Variants in P2RX5 observed in about 807,000 individuals in gnomAD.
The protein encoded by P2RX5 is purinergic receptor P2X 5.
P2RX5 carries 46 observed loss-of-function variants against 54.1 expected under a neutral mutation model. The observed-to-expected ratio is 0.85, with a 90% CI of 0.67 to 1.09. The LOEUF is 1.09. Ranked by LOEUF, P2RX5 falls within the 50% of genes least tolerant of loss-of-function variation. P2RX5 has a pLI of 0.00. For synonymous variants in P2RX5, 226 were observed against 226.4 expected (o/e 1.00, Z 0.02); for missense variants, 566 against 549.8 (o/e 1.03, Z -0.29).
chr17:3,691,494 A>G (rs1381950766), intron 2 of P2RX5, 150 bp downstream of exon 2: 1 of 894,364 alleles, frequency 1.1e-6, no homozygotes, highest in Non-Finnish European at 1.8e-6. Context: ...GGATCTGGAC[A>G]GGGTTGCTCT....
intron 11 of P2RX5, among the ~76,000 whole-genome samples, chr17:3,678,621 C>G (rs2050157335): frequency 6.6e-6 from 1 of 152,252 alleles, no homozygotes; most frequent in South Asian, 2.1e-4. Context: ...CCAGCCCAGT[C>G]TATTTCTTGC....
the P2RX5 span, among the ~76,000 whole-genome samples, chr17:3,709,259 A>G: frequency 2.0e-5 from 3 of 152,200 alleles, no homozygotes; most frequent in African/African-American, 7.2e-5. Flanking sequence ...ACGTTAAACC[A>G]GGTCATCTCA....
At chr17:3,678,055 G>A (rs1382720523) in intron 11 of P2RX5, 1 of 985,304 alleles carries the variant, frequency 1.0e-6, no homozygotes, top group African/African-American at 1.7e-5. Flanking sequence ...CAGCGACACT[G>A]CTGGTAGCCA....
chr17:3,714,884 T>G, the P2RX5 span: 1 of 1,611,438 alleles, frequency 6.2e-7, no homozygotes, highest in African/African-American at 1.3e-5. Flanking sequence ...TGATTTCAGC[T>G]GGGCCTTCCT....
chr17:3,704,126 A>C, the P2RX5 span, among the ~76,000 whole-genome samples: 3 of 151,232 alleles, frequency 2.0e-5, no homozygotes, highest in East Asian at 3.8e-4. Context: ...AACAAAACCC[A>C]AAAAACCACA....
At chr17:3,700,605 T>C (rs545099762), upstream of P2RX5, among the ~76,000 whole-genome samples, 14 of 151,406 alleles carry the variant, frequency 9.2e-5, no homozygotes, top group African/African-American at 3.4e-4. Flanking sequence ...GAGAGAAAAA[T>C]GCCTGCTGCT....
chr17:3,679,917 C>A, intron 10 of P2RX5, 133 bp from the exon 11 acceptor site: 1 of 774,298 alleles, frequency 1.3e-6, no homozygotes, highest in South Asian at 1.5e-5. Flanking sequence ...GTGTCCTCCA[C>A]CCTGCTTCCT....
In P2RX5 at chr17:3,678,040, G is replaced by A. The variant is rs1052629473; in HGVS notation, c.1259+1550C>T. The A allele has an allele frequency of 1.8e-5, 18 of 985,328 alleles. No homozygotes were observed. In the African/African-American group the frequency reaches 3.1e-4, roughly 17 times the overall value. 61.0% of individuals were successfully genotyped at this position (985,328 alleles called of 1,614,324 possible). A position where few individuals can be genotyped will look rare whatever the true frequency, so the allele number is the denominator to read the frequency against. On this transcript the variant is annotated intron_variant, in intron 11 of 11. Transcript: ENST00000225328. ...AGCTGCGGGTTGTTCTGGCCCCAAA[G>A]TTTTCAGCGACACTGCTGGTAGCCA...
At chr17:3,701,853 T>C in the P2RX5 span, among the ~76,000 whole-genome samples, 2 of 148,474 alleles carry the variant, frequency 1.3e-5, no homozygotes, top group East Asian at 4.2e-4. Context: ...CCTCCCCGGC[T>C]CAAGTGATTC....
the P2RX5 span, among the ~76,000 whole-genome samples, chr17:3,720,951 C>T: frequency 2.6e-5 from 4 of 152,110 alleles, no homozygotes; most frequent in Non-Finnish European, 5.9e-5. Flanking sequence ...ATTTTTGAGA[C>T]AGGATCTCGC....
At chr17:3,719,122 G>C in the P2RX5 span, among the ~76,000 whole-genome samples, 1 of 151,264 alleles carries the variant, frequency 6.6e-6, no homozygotes. Flanking sequence ...TGTAATCCCA[G>C]CTACTCGGGA....
chr17:3,697,107 A>C (rs917976145), upstream of P2RX5, among the ~76,000 whole-genome samples: 2 of 138,472 alleles, frequency 1.4e-5, no homozygotes, highest in East Asian at 5.1e-4. Flanking sequence ...GGCAGCATGA[A>C]GACCTCCCTC....
Position 3,673,853 on chromosome 17 carries a change from G to GT in P2RX5, c.*14dup. On this transcript the variant is annotated 3_prime_UTR_variant, in exon 12 of 12. Transcript: ENST00000225328. ...GCTGGGTTTAGGACAGGGCCTGAAC[G>GT]TAAGCAGAGGCAATTCACGTGCTCC... is the stretch of plus-strand genomic sequence containing the variant. 1 of 1,613,020 alleles carries GT rather than the reference G, an allele frequency of 6.2e-7. No homozygotes were observed. The highest frequency in any genetic ancestry group is 2.2e-5 in the East Asian group (1 of 44,882).
intron 1 of P2RX5, among the ~76,000 whole-genome samples, chr17:3,695,180 C>G (rs892085038): frequency 6.6e-6 from 1 of 152,230 alleles, no homozygotes; most frequent in African/African-American, 2.4e-5. Context: ...CCGACCCACC[C>G]CGGGGTCAGG....
At chr17:3,722,479 TAAA>T in the P2RX5 span, 10 of 106,864 alleles carry the variant, frequency 9.4e-5, no homozygotes, top group East Asian at 2.8e-4. Flanking sequence ...AGACTCCATC[TAAA>T]AAAAAAAAAA....
upstream of P2RX5, chr17:3,696,301 G>T: frequency 4.4e-6 from 1 of 227,844 alleles, no homozygotes; most frequent in South Asian, 1.5e-4. Context: ...CTGACACAGT[G>T]ACACCCCTGC....
chr17:3,718,252 C>T, the P2RX5 span: 3 of 152,242 alleles, frequency 2.0e-5, no homozygotes, highest in African/African-American at 7.2e-5. Flanking sequence ...AGGATGTCTC[C>T]TGGGAGCTTT....
At chr17:3,722,120 A>C in the P2RX5 span, among the ~76,000 whole-genome samples, 2 of 151,806 alleles carry the variant, frequency 1.3e-5, no homozygotes, top group Non-Finnish European at 2.9e-5. Context: ...CGGAGGTTGC[A>C]GTGAGCCGAG....
At chr17:3,675,965 T>C (rs2050093678) in intron 11 of P2RX5, 2 of 985,254 alleles carry the variant, frequency 2.0e-6, no homozygotes, top group Admixed American at 6.2e-5. Context: ...CTGGAGACCA[T>C]GTCCCTGGGC....
Sources: gnomAD v4.1 joint callset for allele counts (sites outside exome capture counted in the v4.1 genomes callset) on GRCh38, gnomAD v4.1.1 for gene constraint, MANE v1.5 for transcripts, NCBI Gene and HGNC (gene_info 2026-07-23, HGNC 2026-07-21) for gene names.